Variants in EPM2A observed in about 807,000 individuals in gnomAD.
The protein encoded by EPM2A is EPM2A glucan phosphatase, laforin.
In EPM2A, 21 loss-of-function variants were observed where a neutral mutation model predicts 26.5. The ratio of observed to expected loss-of-function variants is 0.79; its 90% confidence interval spans 0.56 to 1.14. EPM2A has a LOEUF of 1.14. EPM2A is among the 50% of genes most tolerant of loss of function. The pLI, the probability that EPM2A is intolerant of heterozygous loss-of-function variation, is 0.00. For missense variants in EPM2A, 458 were observed against 440.8 expected (o/e 1.04, Z -0.35); for synonymous variants, 217 against 177.6 (o/e 1.22, Z -1.76).
Position 145,735,266 on chromosome 6 carries a change from G to C in EPM2A, c.233C>G (p.Pro78Arg). 2 of 1,517,508 alleles carry C rather than the reference G, an allele frequency of 1.3e-6. No individual in the cohort carries two copies. The highest frequency in any genetic ancestry group is 1.8e-6 in the Non-Finnish European group (2 of 1,131,326). 94.0% of individuals were successfully genotyped at this position (1,517,508 alleles called of 1,614,324 possible). A position where few individuals can be genotyped will look rare whatever the true frequency, so the allele number is the denominator to read the frequency against. The change falls in exon 1 of 4, where the codon CCG becomes CGG. Residue 78 changes from proline (P) to arginine (R), a missense_variant. By Grantham distance (103) the Pro-to-Arg change is moderately radical. Transcript: ENST00000367519. ...GTACCAGAACGTGTCCACGCGGCCC[G>C]GCTCCGCCCCGTCCTGCGCCGCCTC... Reference protein sequence around the residue: ...AEEAAQDGAEPGRVDTFWYKF... With the variant: ...AEEAAQDGAERGRVDTFWYKF...
At chr6:145,586,695 G>T (rs11155433) in intron 2 of EPM2A, among the ~76,000 whole-genome samples, 2 of 151,812 alleles carry the variant, frequency 1.3e-5, no homozygotes, top group Non-Finnish European at 2.9e-5. Flanking sequence ...TCCCCAAAAC[G>T]ATCCTTCCTA....
At chr6:145,723,191 T>C (rs565883760) in intron 1 of EPM2A, among the ~76,000 whole-genome samples, 1 of 152,310 alleles carries the variant, frequency 6.6e-6, no homozygotes, top group East Asian at 1.9e-4. Context: ...AATTACAGTT[T>C]GTGCAGGACA....
intron 2 of EPM2A, among the ~76,000 whole-genome samples, chr6:145,563,384 C>T (rs968342785): frequency 1.3e-5 from 2 of 151,830 alleles, no homozygotes; most frequent in Admixed American, 1.3e-4. Context: ...ACGCAAAAGC[C>T]CACGGTGGTG....
rs933182519 is a variant in EPM2A at position 145,457,929 on chromosome 6, T to C, written c.555+44593A>G. On this transcript the variant is annotated intron_variant, in intron 4 of 4. Coordinates refer to the EPM2A transcript ENST00000638717. ...GAGTAACATAAATAAAACAAGAAACTTATTAGACAATACTTATGAAATCTA... is the reference window on the plus strand; with the variant it reads ...GAGTAACATAAATAAAACAAGAAACCTATTAGACAATACTTATGAAATCTA... Among the ~76,000 whole-genome samples the C allele has an allele frequency of 2.0e-5, 3 of 152,188 alleles. No individual in the cohort carries two copies. The East Asian group carries it at 5.8e-4, about 29-fold the overall frequency.
At chr6:145,399,256 A>T (rs577023280) in intron 4 of EPM2A, among the ~76,000 whole-genome samples, 1 of 152,282 alleles carries the variant, frequency 6.6e-6, no homozygotes, top group African/African-American at 2.4e-5. Context: ...CTTTGGGACT[A>T]TCACTTGCTC....
intron 2 of EPM2A, among the ~76,000 whole-genome samples, chr6:145,581,372 T>C (rs1296023174): frequency 6.6e-6 from 1 of 152,174 alleles, no homozygotes; most frequent in East Asian, 1.9e-4. Context: ...TTTTTTTAAG[T>C]TCCTTATAGA....
intron 2 of EPM2A, among the ~76,000 whole-genome samples, chr6:145,566,182 C>A (rs1351566393): frequency 6.6e-6 from 1 of 152,102 alleles, no homozygotes; most frequent in Non-Finnish European, 1.5e-5. Flanking sequence ...GTGTTAGTCT[C>A]GGATCTGTCA....
At position 145,456,513 on chromosome 6, in the gene EPM2A, A is replaced by G. The variant is rs75641021; in HGVS notation, c.555+46009T>C. ...ACTTTCCAAATGAATAGAGTTTTCC[A>G]TCTAATGAAAAATCCAGAGTGTGCT... is the stretch of plus-strand genomic sequence containing the variant. On this transcript the variant is annotated intron_variant, in intron 4 of 4. Transcript: ENST00000638717. Among the ~76,000 whole-genome samples the G allele has an allele frequency of 3.1e-3, 473 of 152,340 alleles. 10 individuals are homozygous for G. In the East Asian group the frequency reaches 0.054, roughly 17 times the overall value.
chr6:145,590,451 AG>A (rs71028363), intron 2 of EPM2A, among the ~76,000 whole-genome samples: 41,863 of 135,424 alleles, frequency 0.31, 6,000 homozygotes, highest in South Asian at 0.44. Flanking sequence ...ATAAAAAAAA[AG>A]AAAATTGTGC....
chr6:145,656,683 G>A (rs1778316594), intron 2 of EPM2A, among the ~76,000 whole-genome samples: 1 of 151,534 alleles, frequency 6.6e-6, no homozygotes, highest in African/African-American at 2.4e-5. Context: ...CATAGAAAAC[G>A]GTTGACATGA....
intron 1 of EPM2A, among the ~76,000 whole-genome samples, chr6:145,694,045 T>A (rs905495961): frequency 1.3e-5 from 2 of 151,952 alleles, no homozygotes; most frequent in Non-Finnish European, 2.9e-5. Flanking sequence ...TCTTAATAAA[T>A]CCAGAAGTTT....
intron 1 of EPM2A, among the ~76,000 whole-genome samples, chr6:145,718,081 C>A (rs1245656023): frequency 1.3e-5 from 2 of 151,862 alleles, no homozygotes; most frequent in Non-Finnish European, 2.9e-5. Context: ...CCCCATCAGG[C>A]TACCAATGAC....
At chr6:145,578,563 C>T (rs527338687) in intron 2 of EPM2A, among the ~76,000 whole-genome samples, 20 of 152,190 alleles carry the variant, frequency 1.3e-4, no homozygotes, top group African/African-American at 4.3e-4. Flanking sequence ...TTCCCATCAA[C>T]GAAAAGTCCA....
intron 2 of EPM2A, among the ~76,000 whole-genome samples, chr6:145,541,328 GTA>G (rs1377962473): frequency 7.6e-6 from 1 of 132,044 alleles, no homozygotes. Flanking sequence ...ATATATATGT[GTA>G]TATATATGTG....
intron 1 of EPM2A, chr6:145,721,755 T>C (rs1775961287): frequency 6.6e-6 from 1 of 152,222 alleles, no homozygotes; most frequent in Non-Finnish European, 1.5e-5. Flanking sequence ...TTTACACAAA[T>C]AAAAAATCTC....
intron 4 of EPM2A, among the ~76,000 whole-genome samples, chr6:145,424,687 G>A (rs558609103): frequency 1.1e-4 from 16 of 152,278 alleles, no homozygotes; most frequent in Admixed American, 9.2e-4. Flanking sequence ...ATTAGATCGT[G>A]GCAGAGGGGC....
intron 2 of EPM2A, among the ~76,000 whole-genome samples, chr6:145,653,463 T>C (rs529821783): frequency 2.0e-4 from 30 of 152,312 alleles, no homozygotes; most frequent in African/African-American, 6.7e-4. Context: ...CTTTATAAAT[T>C]AGCCAGTCTC....
At chr6:145,687,937 A>G (rs1781038213) in intron 1 of EPM2A, among the ~76,000 whole-genome samples, 1 of 152,230 alleles carries the variant, frequency 6.6e-6, no homozygotes, top group African/African-American at 2.4e-5. Flanking sequence ...CCTCACTTCT[A>G]GAAACATATC....
At chr6:145,523,985 C>A (rs62438168) in intron 2 of EPM2A, among the ~76,000 whole-genome samples, 122 of 152,268 alleles carry the variant, frequency 8.0e-4, no homozygotes, top group Admixed American at 2.5e-3. Flanking sequence ...CTGTTCCCAA[C>A]TTTATTCCAT....
Sources: gnomAD v4.1 joint callset for allele counts (sites outside exome capture counted in the v4.1 genomes callset) on GRCh38, gnomAD v4.1.1 for gene constraint, MANE v1.5 for transcripts, NCBI Gene and HGNC (gene_info 2026-07-23, HGNC 2026-07-21) for gene names.